TBCK: variants seen among roughly 807,000 people sequenced by gnomAD.
TBCK encodes TBC domain-containing protein kinase-like protein.
Under a neutral mutation model 113.4 loss-of-function variants are expected in TBCK, and 99 were observed. The ratio of observed to expected loss-of-function variants is 0.87; its 90% CI spans 0.74 to 1.03. The LOEUF is 1.03. TBCK is among the 50% of genes least tolerant of loss of function. The pLI is 0.00. For synonymous variants in TBCK, 369 were observed against 370.8 expected (o/e 1.00, Z 0.05); for missense variants, 1,045 against 1,061.3 (o/e 0.98, Z 0.21).
chr4:106,072,572 T>C (rs1052378760), intron 25 of TBCK, among the ~76,000 whole-genome samples: 4 of 152,186 alleles, frequency 2.6e-5, no homozygotes, highest in African/African-American at 4.8e-5. Flanking sequence ...AAATTATGTG[T>C]GTTGGGGTTG....
intron 25 of TBCK, among the ~76,000 whole-genome samples, chr4:106,054,319 C>T (rs2149449443): frequency 6.6e-6 from 1 of 151,720 alleles, no homozygotes; most frequent in South Asian, 2.1e-4. Flanking sequence ...TCTATCCTTG[C>T]CCAGTATAAT....
intron 25 of TBCK, among the ~76,000 whole-genome samples, chr4:106,084,937 A>T (rs1739324563): frequency 6.6e-6 from 1 of 152,226 alleles, no homozygotes. Context: ...TGAAAGAAGC[A>T]CTAAAAATGG....
rs189414384 is a variant in TBCK at position 106,082,622 on chromosome 4, A to G, written c.2571+12860T>C. 5.9e-4 allele frequency among the ~76,000 whole-genome samples: 90 copies of G among 152,306 alleles called. 3 individuals are homozygous for G. The highest frequency in any genetic ancestry group is 1.7e-3 in the Admixed American group (26 of 15,304). On this transcript the variant is annotated intron_variant, in intron 25 of 25. Transcript: ENST00000394708. ...AGAAAAAAAAATAGAAAAAAATAAAAATACTTGAGACTGGGTAATTTATAA... is the reference window on the plus strand; with the variant it reads ...AGAAAAAAAAATAGAAAAAAATAAAGATACTTGAGACTGGGTAATTTATAA...
chr4:106,236,752 T>C lies in TBCK; in HGVS notation c.1220+7A>G. 6.8e-7 allele frequency: 1 copy of C among 1,467,158 alleles called. No individual in the cohort carries two copies. Among genetic ancestry groups the C allele is most frequent in the Non-Finnish European group, 9.1e-7 (1 of 1,093,198 alleles). The allele number at this position is 1,467,158 out of a possible 1,614,324, so 90.9% of individuals were successfully genotyped here. ...AATAAATCTAAAATGAGACTACATATACTCACTCATCTTCAAGTAATGGGT... is the reference window on the plus strand; with the variant it reads ...AATAAATCTAAAATGAGACTACATACACTCACTCATCTTCAAGTAATGGGT... On this transcript the variant is annotated splice_region_variant and intron_variant, in intron 13 of 25. Coordinates refer to ENST00000394708, the MANE Select transcript of TBCK (RefSeq NM_001163435.3).
chr4:106,240,643 G>A (rs1011762529), intron 12 of TBCK, among the ~76,000 whole-genome samples: 1 of 151,888 alleles, frequency 6.6e-6, no homozygotes, highest in African/African-American at 2.4e-5. Flanking sequence ...TATTATTGAT[G>A]TATATTTTAA....
chr4:106,298,092 A>G (rs1030318978), intron 2 of TBCK, among the ~76,000 whole-genome samples: 1 of 152,060 alleles, frequency 6.6e-6, no homozygotes, highest in Non-Finnish European at 1.5e-5. Context: ...TCTATTCTAC[A>G]TTTTAATTTT....
chr4:106,249,894 C>T (rs1008439352), intron 7 of TBCK, among the ~76,000 whole-genome samples: 2 of 152,010 alleles, frequency 1.3e-5, no homozygotes, highest in Non-Finnish European at 2.9e-5. Flanking sequence ...TTTTTCTCTC[C>T]TTAATTACCA....
chr4:106,191,025 C>T (rs1226079952), intron 22 of TBCK, among the ~76,000 whole-genome samples: 2 of 152,208 alleles, frequency 1.3e-5, no homozygotes, highest in Non-Finnish European at 2.9e-5. Flanking sequence ...ATGGGTTCTG[C>T]ATCCATGGAT....
chr4:106,047,792 A>C lies in TBCK; in HGVS notation c.2572-1112T>G, dbSNP rs1296478504. ...AAACCTAGGGCAAAATTATGAAGTA[A>C]AGAAGTTTTTCTTTGGCCCTTTGCC... On this transcript the variant is annotated intron_variant, in intron 25 of 25. Transcript: ENST00000394708. Among the ~76,000 whole-genome samples the C allele has an allele frequency of 2.0e-5, 3 of 152,264 alleles. No individual in the cohort carries two copies. In the East Asian group the frequency reaches 5.8e-4, roughly 29 times the overall value.
At chr4:106,097,132 T>C (rs1475318736) in intron 24 of TBCK, among the ~76,000 whole-genome samples, 1 of 152,200 alleles carries the variant, frequency 6.6e-6, no homozygotes, top group Non-Finnish European at 1.5e-5. Flanking sequence ...TATCCTATTA[T>C]CCTTGTGATT....
chr4:106,127,677 G>A (rs1745392863), intron 23 of TBCK, among the ~76,000 whole-genome samples: 1 of 152,146 alleles, frequency 6.6e-6, no homozygotes. Context: ...ATGTTTGTGT[G>A]TGTGTGTGTA....
chr4:106,264,105 T>C (rs774519948), intron 3 of TBCK, among the ~76,000 whole-genome samples: 21 of 152,102 alleles, frequency 1.4e-4, no homozygotes, highest in Admixed American at 5.9e-4. Context: ...CCAATTTTCT[T>C]CCCAAACTTC....
At chr4:106,279,553 C>T (rs1305002290) in intron 3 of TBCK, among the ~76,000 whole-genome samples, 1 of 152,034 alleles carries the variant, frequency 6.6e-6, no homozygotes, top group Non-Finnish European at 1.5e-5. Context: ...AGATCTTATT[C>T]ATTCTAATTA....
chr4:106,065,970 A>G lies in TBCK; in HGVS notation c.2572-19290T>C, dbSNP rs1736596394. 2.6e-5 allele frequency among the ~76,000 whole-genome samples: 4 copies of G among 152,090 alleles called. 1 individual carries two copies. The South Asian group carries it at 8.3e-4, about 31-fold the overall frequency. ...TTTCTGATGTATTTAATGTGGAAGC[A>G]GGGCCAAATACAAATACAAAAGGGG... On this transcript the variant is annotated intron_variant, in intron 25 of 25. Coordinates refer to ENST00000394708, the MANE Select transcript of TBCK (RefSeq NM_001163435.3).
At chr4:106,168,801 A>G (rs539037846) in intron 23 of TBCK, among the ~76,000 whole-genome samples, 1 of 152,118 alleles carries the variant, frequency 6.6e-6, no homozygotes, top group Admixed American at 6.6e-5. Flanking sequence ...TCTAAATGAG[A>G]AAAACTATAA....
intron 23 of TBCK, among the ~76,000 whole-genome samples, chr4:106,116,668 G>A (rs768626866): frequency 6.6e-5 from 10 of 152,046 alleles, no homozygotes; most frequent in Admixed American, 1.3e-4. Flanking sequence ...GTTATAGTCC[G>A]AGCTCCGCCT....
At chr4:106,266,757 G>C (rs72893620) in intron 3 of TBCK, among the ~76,000 whole-genome samples, 2 of 151,584 alleles carry the variant, frequency 1.3e-5, no homozygotes, top group Admixed American at 6.6e-5. Flanking sequence ...GGTATAAAGA[G>C]GAACAAAAAA....
chr4:106,093,923 T>A (rs1310191447), intron 25 of TBCK, among the ~76,000 whole-genome samples: 1 of 152,150 alleles, frequency 6.6e-6, no homozygotes, highest in Non-Finnish European at 1.5e-5. Context: ...TAATGATGTG[T>A]CAATGAAGGT....
In TBCK at chr4:106,138,847, C is replaced by T. The variant is rs1469608274; in HGVS notation, c.2236-22469G>A. 1.4e-5 allele frequency among the ~76,000 whole-genome samples: 2 copies of T among 141,136 alleles called. 1 individual carries two copies. Among genetic ancestry groups the T allele is most frequent in the Non-Finnish European group, 3.2e-5 (2 of 62,172 alleles). 92.6% of individuals were successfully genotyped at this position (141,136 alleles called of 152,430 possible). On this transcript the variant is annotated intron_variant, in intron 23 of 25. Coordinates refer to ENST00000394708, the MANE Select transcript of TBCK (RefSeq NM_001163435.3). The stretch of plus-strand genomic sequence containing the variant: ...AGGTAGAACTTTTGATAATTTTCTT[C>T]TGAAATGTGATAGAGATGCTATTCA...
Sources: allele counts gnomAD v4.1 joint callset (sites outside exome capture counted in the v4.1 genomes callset), GRCh38; gene constraint gnomAD v4.1.1; transcripts MANE v1.5; gene names NCBI Gene and HGNC (gene_info 2026-07-23, HGNC 2026-07-21).